MCU: variants seen among roughly 807,000 people sequenced by gnomAD.
MCU encodes calcium uniporter protein, mitochondrial.
A neutral mutation model predicts 45.2 loss-of-function variants in MCU; 12 were observed. The ratio of observed to expected loss-of-function variants is 0.27; its 90% CI spans 0.17 to 0.43. The LOEUF (loss-of-function observed/expected upper bound fraction) is 0.43. Ranked by LOEUF, MCU falls within the 20% of genes least tolerant of loss-of-function variation. The pLI, the probability that MCU is intolerant of heterozygous loss-of-function variation, is 1.00. For missense variants in MCU, 324 were observed against 436.7 expected, an observed-to-expected ratio of 0.74 and a Z score of 2.30; for synonymous variants, 160 against 165.1, an observed-to-expected ratio of 0.97 and a Z score of 0.24.
At chr10:72,853,267 GAAA>G (rs1421830542) in intron 2 of MCU, among the ~76,000 whole-genome samples, 7 of 151,926 alleles carry the variant, frequency 4.6e-5, no homozygotes, top group African/African-American at 1.7e-4. Context: ...TGCTCATAGA[GAAA>G]AGGAAAAATA....
intron 1 of MCU, among the ~76,000 whole-genome samples, chr10:72,798,405 CCGCAGCCTACCAGGTAGCTGGGA>C (rs1564559842): frequency 5.9e-5 from 9 of 152,132 alleles, no homozygotes; most frequent in African/African-American, 2.2e-4. Flanking sequence ...AATTCTCCTG[CCGCAGCCTACCAGGTAGCTGGGA>C]TTACAGGTGC....
rs149305409 is a variant in MCU at position 72,882,463 on chromosome 10, A to C, written c.862-1803A>C. 5.2e-3 allele frequency among the ~76,000 whole-genome samples: 787 copies of C among 152,296 alleles called. 7 individuals are homozygous for C. Among genetic ancestry groups the C allele is most frequent in the African/African-American group, 0.018 (750 of 41,568 alleles). On this transcript the variant is annotated intron_variant, in intron 6 of 7. Transcript: ENST00000373053. ...TCAGCAAGGAACATCCCTGAGAAAG[A>C]GAATGCACCCCTGAGGTTGGGTCTC... is the stretch of plus-strand genomic sequence containing the variant.
chr10:72,783,419 A>G (rs937832489), intron 1 of MCU, among the ~76,000 whole-genome samples: 4 of 151,946 alleles, frequency 2.6e-5, no homozygotes, highest in African/African-American at 9.7e-5. Flanking sequence ...GAACTGCCAC[A>G]TGCCACTTAT....
At chr10:72,852,074 A>G (rs571820801) in intron 2 of MCU, among the ~76,000 whole-genome samples, 4 of 152,230 alleles carry the variant, frequency 2.6e-5, no homozygotes, top group African/African-American at 9.6e-5. Context: ...CTACTTCTTG[A>G]TCTGTGGTTA....
At chr10:72,839,963 C>CA (rs34053459) in intron 2 of MCU, among the ~76,000 whole-genome samples, 892 of 75,872 alleles carry the variant, frequency 0.012, 11 homozygotes, top group East Asian at 0.032. Flanking sequence ...GACTCCGTCT[C>CA]AAAAAAAAAA....
chr10:72,861,031 T>G (rs1034278233), intron 4 of MCU, among the ~76,000 whole-genome samples: 10 of 152,176 alleles, frequency 6.6e-5, no homozygotes, highest in African/African-American at 1.7e-4. Context: ...TGTTGTTGTT[T>G]TTTGTTTTTT....
intron 2 of MCU, among the ~76,000 whole-genome samples, chr10:72,856,995 G>A (rs908098847): frequency 6.6e-6 from 1 of 151,072 alleles, no homozygotes; most frequent in Admixed American, 6.6e-5. Context: ...TGCTCAGGCT[G>A]GAGTGCAGTG....
At chr10:72,820,252 G>T (rs569140580) in intron 1 of MCU, among the ~76,000 whole-genome samples, 2 of 152,226 alleles carry the variant, frequency 1.3e-5, no homozygotes, top group Admixed American at 6.5e-5. Flanking sequence ...GGTAGTATGT[G>T]CCGGGTACCA....
chr10:72,818,436 T>C (rs1350984354), intron 1 of MCU, among the ~76,000 whole-genome samples: 5 of 152,214 alleles, frequency 3.3e-5, no homozygotes, highest in Admixed American at 3.3e-4. Context: ...TACCATACCC[T>C]GATTGTAGAA....
At chr10:72,699,879 A>G (rs1842735819) in intron 1 of MCU, among the ~76,000 whole-genome samples, 1 of 152,078 alleles carries the variant, frequency 6.6e-6, no homozygotes, top group African/African-American at 2.4e-5. Context: ...GGTGTGAGCC[A>G]CTGCGCCCGG....
At chr10:72,777,798 G>C (rs1014387042) in intron 1 of MCU, among the ~76,000 whole-genome samples, 1 of 152,170 alleles carries the variant, frequency 6.6e-6, no homozygotes, top group African/African-American at 2.4e-5. Context: ...TCTGACAAGG[G>C]ATTAGTAACC....
chr10:72,874,676 C>T (rs1163486127), intron 6 of MCU, among the ~76,000 whole-genome samples: 1 of 152,208 alleles, frequency 6.6e-6, no homozygotes, highest in African/African-American at 2.4e-5. Flanking sequence ...ATGTCTGGCT[C>T]ATACTAGTCA....
chr10:72,692,382 G>A (rs1371736102), intron 1 of MCU, 81 bp downstream of exon 1: 1 of 1,057,988 alleles, frequency 9.5e-7, no homozygotes, highest in African/African-American at 1.7e-5. Context: ...GGCCGCCGGG[G>A]CAGCAGGCGA....
In MCU at chr10:72,820,700, C is replaced by T. The variant is rs143216033; in HGVS notation, c.151-13659C>T. On this transcript the variant is annotated intron_variant, in intron 1 of 7. Transcript: ENST00000373053. ...TAATTTTTTGTATTTTTAGTAGGGA[C>T]GGGGTTTGGCCAGGCTGGCCAGGCT... is the stretch of plus-strand genomic sequence containing the variant. 3.0e-4 allele frequency among the ~76,000 whole-genome samples: 46 copies of T among 152,108 alleles called. 1 individual carries two copies. The highest frequency in any genetic ancestry group is 5.1e-4 in the Non-Finnish European group (35 of 67,976).
chr10:72,764,852 TAA>T (rs890691923), intron 1 of MCU, among the ~76,000 whole-genome samples: 2 of 152,150 alleles, frequency 1.3e-5, no homozygotes, highest in Non-Finnish European at 2.9e-5. Context: ...AAGTTAACTG[TAA>T]ATACTTTGAG....
chr10:72,839,021 G>T (rs1037256220), intron 2 of MCU, among the ~76,000 whole-genome samples: 1 of 148,430 alleles, frequency 6.7e-6, no homozygotes, highest in African/African-American at 2.5e-5. Flanking sequence ...ACGGAGTCCC[G>T]CTCCATCACC....
chr10:72,814,348 A>C (rs1307422250), intron 1 of MCU, among the ~76,000 whole-genome samples: 2 of 152,128 alleles, frequency 1.3e-5, no homozygotes, highest in African/African-American at 4.8e-5. Flanking sequence ...GCTTCTTCTG[A>C]GCAATTCTTT....
At chr10:72,853,859 T>A (rs1203309310) in intron 2 of MCU, among the ~76,000 whole-genome samples, 1 of 151,424 alleles carries the variant, frequency 6.6e-6, no homozygotes, top group Non-Finnish European at 1.5e-5. Flanking sequence ...AATTAAAAAT[T>A]AAAATTAAAA....
intron 2 of MCU, among the ~76,000 whole-genome samples, chr10:72,835,658 C>A (rs189353563): frequency 3.9e-5 from 6 of 152,212 alleles, no homozygotes; most frequent in African/African-American, 1.4e-4. Context: ...GAAGAAAAAT[C>A]CATTGTGATT....
Sources: gnomAD v4.1 joint callset for allele counts (sites outside exome capture counted in the v4.1 genomes callset) on GRCh38, gnomAD v4.1.1 for gene constraint, MANE v1.5 for transcripts, NCBI Gene and HGNC (gene_info 2026-07-23, HGNC 2026-07-21) for gene names.